Variants in CDH18 observed in about 807,000 individuals in gnomAD.
CDH18 encodes the protein cadherin 18, also known as cadherin-18.
CDH18 carries 31 observed loss-of-function variants against 67.9 expected under a neutral mutation model. That is an observed-to-expected ratio of 0.46 (90% CI 0.34 to 0.62). The LOEUF (loss-of-function observed/expected upper bound fraction) is 0.62. CDH18 is among the 20% of genes least tolerant of loss of function. CDH18 has a pLI of 0.01. For missense variants in CDH18, 890 were observed against 975.5 expected, an observed-to-expected ratio of 0.91 and a Z score of 1.17; for synonymous variants, 362 against 347.2, an observed-to-expected ratio of 1.04 and a Z score of -0.48.
intron 2 of CDH18, among the ~76,000 whole-genome samples, chr5:19,859,027 G>A (rs1784589183): frequency 6.6e-6 from 1 of 152,038 alleles, no homozygotes; most frequent in African/African-American, 2.4e-5. Context: ...TATTTAATGT[G>A]TACAATTTGA....
chr5:20,529,668 A>C lies in CDH18; in HGVS notation c.-580+45794T>G, dbSNP rs1756281692. Reference sequence around the variant, plus strand: ...GATTATCTCAATAGACACAGAAAAGACCTTCAATAAAATTCAACATCTCCT... The same window carrying C: ...GATTATCTCAATAGACACAGAAAAGCCCTTCAATAAAATTCAACATCTCCT... On this transcript the variant is annotated intron_variant, in intron 1 of 14. Coordinates refer to the CDH18 transcript ENST00000507958. Among the ~76,000 whole-genome samples, 3 of 151,974 alleles carry C rather than the reference A, an allele frequency of 2.0e-5. No homozygotes were observed. The South Asian group carries it at 6.2e-4, about 32-fold the overall frequency.
chr5:19,854,485 T>C (rs891855703), intron 2 of CDH18, among the ~76,000 whole-genome samples: 2 of 152,162 alleles, frequency 1.3e-5, no homozygotes, highest in African/African-American at 2.4e-5. Context: ...GTTCTTTTCA[T>C]GTCTCATGAA....
At chr5:19,488,204 G>C (rs966147633) in intron 11 of CDH18, among the ~76,000 whole-genome samples, 3 of 152,064 alleles carry the variant, frequency 2.0e-5, no homozygotes, top group African/African-American at 7.2e-5. Flanking sequence ...TTTAAAATAG[G>C]TTTTGGGGCA....
chr5:20,273,296 T>A (rs1418217377), intron 1 of CDH18, among the ~76,000 whole-genome samples: 1 of 152,018 alleles, frequency 6.6e-6, no homozygotes, highest in Non-Finnish European at 1.5e-5. Context: ...CCTTGTGTTC[T>A]TGTGGGTTTG....
intron 2 of CDH18, among the ~76,000 whole-genome samples, chr5:19,845,208 T>A (rs980685860): frequency 6.6e-6 from 1 of 152,146 alleles, no homozygotes; most frequent in Non-Finnish European, 1.5e-5. Context: ...CATAAATGAT[T>A]CTGTTTCCTT....
chr5:19,861,092 C>T (rs80103963), intron 2 of CDH18, among the ~76,000 whole-genome samples: 143 of 152,176 alleles, frequency 9.4e-4, no homozygotes, highest in East Asian at 4.1e-3. Context: ...TCTTACAGAA[C>T]GTTATTAAGT....
At chr5:19,967,963 T>C (rs1391490899) in intron 2 of CDH18, among the ~76,000 whole-genome samples, 1 of 151,574 alleles carries the variant, frequency 6.6e-6, no homozygotes, top group Non-Finnish European at 1.5e-5. Context: ...GCCCAAAATC[T>C]CCTTAAGCTG....
intron 6 of CDH18, among the ~76,000 whole-genome samples, chr5:19,593,335 T>C (rs1346562537): frequency 3.3e-5 from 5 of 152,148 alleles, no homozygotes; most frequent in Non-Finnish European, 7.4e-5. Flanking sequence ...TTTTCTGTCA[T>C]TGGCTTTTTT....
At chr5:20,078,453 ACT>A (rs1318570950) in intron 2 of CDH18, among the ~76,000 whole-genome samples, 1 of 151,740 alleles carries the variant, frequency 6.6e-6, no homozygotes, top group African/African-American at 2.4e-5. Flanking sequence ...ACAGAATGAG[ACT>A]CTGTCTCAAA....
intron 1 of CDH18, among the ~76,000 whole-genome samples, chr5:20,479,792 T>C (rs1024137096): frequency 5.9e-5 from 9 of 152,176 alleles, no homozygotes; most frequent in Non-Finnish European, 1.0e-4. Flanking sequence ...TATAGGAGGG[T>C]TCCAGAGCAC....
In CDH18 at chr5:20,369,005, T is replaced by G. The variant is rs928613511; in HGVS notation, c.-579-113500A>C. The stretch of plus-strand genomic sequence containing the variant: ...TTTTCTCATTATGCTTGACTTTTTC[T>G]TTTATCTTGGGACTCAGCTTTCACT... On this transcript the variant is annotated intron_variant, in intron 1 of 14. Transcript: ENST00000507958. 2.1e-4 allele frequency among the ~76,000 whole-genome samples: 32 copies of G among 152,314 alleles called. 1 individual carries two copies. In the East Asian group the frequency reaches 6.2e-3, roughly 29 times the overall value.
chr5:19,936,328 A>T (rs1447273462), intron 2 of CDH18, among the ~76,000 whole-genome samples: 1 of 151,282 alleles, frequency 6.6e-6, no homozygotes, highest in African/African-American at 2.4e-5. Flanking sequence ...TTAAAAAAAT[A>T]ATTAATTATA....
intron 1 of CDH18, among the ~76,000 whole-genome samples, chr5:20,297,882 C>G (rs1380524123): frequency 6.6e-6 from 1 of 152,160 alleles, no homozygotes; most frequent in African/African-American, 2.4e-5. Context: ...GTAGTTTCCT[C>G]TCAGTCAAAT....
intron 3 of CDH18, among the ~76,000 whole-genome samples, chr5:19,774,482 A>T (rs1410010255): frequency 7.1e-6 from 1 of 140,850 alleles, no homozygotes; most frequent in Non-Finnish European, 1.6e-5. Context: ...AAATACTGAT[A>T]TTAGGTAGAA....
intron 3 of CDH18, among the ~76,000 whole-genome samples, chr5:19,828,770 C>T (rs940059946): frequency 6.6e-6 from 1 of 152,168 alleles, no homozygotes; most frequent in African/African-American, 2.4e-5. Flanking sequence ...GGCGCTGTGG[C>T]TCATGCCTGT....
chr5:19,953,854 T>C (rs4443418), intron 2 of CDH18, among the ~76,000 whole-genome samples: 1 of 152,000 alleles, frequency 6.6e-6, no homozygotes, highest in Non-Finnish European at 1.5e-5. Flanking sequence ...GTGTTATCTG[T>C]ATGGGGAGGG....
intron 1 of CDH18, among the ~76,000 whole-genome samples, chr5:20,302,554 C>A (rs112365852): frequency 0.035 from 5,292 of 152,164 alleles, 243 homozygotes; most frequent in African/African-American, 0.1. Flanking sequence ...CACTGAAAGT[C>A]GAGCAAGAAC....
At chr5:20,508,281 T>C (rs1754772107) in intron 1 of CDH18, among the ~76,000 whole-genome samples, 1 of 147,558 alleles carries the variant, frequency 6.8e-6, no homozygotes, top group Non-Finnish European at 1.5e-5. Context: ...GGTCCTTCTG[T>C]AATTGTGTTA....
intron 5 of CDH18, among the ~76,000 whole-genome samples, chr5:19,620,953 T>TG (rs1750594644): frequency 6.6e-6 from 1 of 152,110 alleles, no homozygotes; most frequent in South Asian, 2.1e-4. Context: ...TGACTTACGA[T>TG]GGAGTTGCAT....
Sources: gnomAD v4.1 joint callset for allele counts (sites outside exome capture counted in the v4.1 genomes callset) on GRCh38, gnomAD v4.1.1 for gene constraint, MANE v1.5 for transcripts, NCBI Gene and HGNC (gene_info 2026-07-23, HGNC 2026-07-21) for gene names.